Variants in TUNAR observed in about 807,000 individuals in gnomAD.
TUNAR encodes the protein transmembrane neural differentiation associated intracellular calcium regulator, also known as protein TUNAR.
intron 2 of TUNAR, among the ~76,000 whole-genome samples, chr14:95,894,108 T>C (rs956169465): frequency 1.3e-5 from 2 of 152,248 alleles, no homozygotes. Context: ...CATTGCTGAT[T>C]GGATCATCCA....
intron 2 of TUNAR, among the ~76,000 whole-genome samples, chr14:95,906,873 C>T (rs1341306533): frequency 6.6e-6 from 1 of 152,214 alleles, no homozygotes; most frequent in African/African-American, 2.4e-5. Flanking sequence ...CCATCGTGAT[C>T]CTACCCCACT....
At chr14:95,921,341 C>G (rs1313196550) in intron 2 of TUNAR, among the ~76,000 whole-genome samples, 1 of 152,148 alleles carries the variant, frequency 6.6e-6, no homozygotes, top group Non-Finnish European at 1.5e-5. Context: ...GCACAGCCCT[C>G]CAGTGGAAGA....
chr14:95,882,024 A>G (rs574424297), intron 2 of TUNAR, among the ~76,000 whole-genome samples: 1 of 152,318 alleles, frequency 6.6e-6, no homozygotes, highest in East Asian at 1.9e-4. Context: ...CTTATATGCC[A>G]AAAGCTTCAA....
At chr14:95,893,216 G>A (rs1025421350) in intron 2 of TUNAR, among the ~76,000 whole-genome samples, 1 of 152,172 alleles carries the variant, frequency 6.6e-6, no homozygotes, top group Admixed American at 6.5e-5. Context: ...GGGAGAGGTG[G>A]GAGGCCACCT....
At chr14:95,919,075 A>G (rs1031142802) in intron 2 of TUNAR, among the ~76,000 whole-genome samples, 1 of 152,212 alleles carries the variant, frequency 6.6e-6, no homozygotes, top group African/African-American at 2.4e-5. Context: ...TTGGATAGAC[A>G]TCTGTCCAGG....
At chr14:95,900,912 C>T (rs997713631) in intron 2 of TUNAR, among the ~76,000 whole-genome samples, 5 of 152,170 alleles carry the variant, frequency 3.3e-5, no homozygotes, top group South Asian at 2.1e-4. Flanking sequence ...CATTTATGTG[C>T]GGTGAGACAG....
chr14:95,908,940 A>G (rs1889469059), intron 2 of TUNAR, among the ~76,000 whole-genome samples: 1 of 152,162 alleles, frequency 6.6e-6, no homozygotes, highest in Non-Finnish European at 1.5e-5. Context: ...TGGAAGTGGC[A>G]GGTAGGCGGG....
intron 2 of TUNAR, among the ~76,000 whole-genome samples, chr14:95,921,984 C>T (rs958731514): frequency 2.6e-5 from 4 of 152,286 alleles, no homozygotes; most frequent in Non-Finnish European, 5.9e-5. Flanking sequence ...GCTCTCCTCT[C>T]GGTGCATATC....
exon 3 of TUNAR, chr14:95,922,918 T>A (rs1262605506): frequency 1.0e-5 from 4 of 398,878 alleles, no homozygotes; most frequent in African/African-American, 8.2e-5. Context: ...TCGGGACCAT[T>A]CTGAACCTGA....
chr14:95,878,320 A>G (rs1888922957), intron 2 of TUNAR, among the ~76,000 whole-genome samples: 1 of 152,044 alleles, frequency 6.6e-6, no homozygotes, highest in South Asian at 2.1e-4. Context: ...CATTTAGTTA[A>G]CTGTTTGCTT....
chr14:95,921,874 GT>G (rs1889703434), intron 2 of TUNAR, among the ~76,000 whole-genome samples: 1 of 152,192 alleles, frequency 6.6e-6, no homozygotes, highest in South Asian at 2.1e-4. Context: ...CCTCCGCTAA[GT>G]GTCTGGGCTT....
chr14:95,893,587 A>G (rs534280776), intron 2 of TUNAR, among the ~76,000 whole-genome samples: 13 of 136,308 alleles, frequency 9.5e-5, no homozygotes, highest in South Asian at 7.9e-4. Flanking sequence ...CCCACTCCCC[A>G]TCAAGCAGCC....
At position 95,881,242 on chromosome 14, in the gene TUNAR, G is replaced by A. The variant is rs533347625; in HGVS notation, c.12+4065G>A. On this transcript the variant is annotated intron_variant, in intron 2 of 2. Transcript: ENST00000678517. Reference sequence around the variant, plus strand: ...TGCATTAGATTTCTTTTAACTACACGAGGTCAAACATGTCGATTTCCAAAA... The same window carrying A: ...TGCATTAGATTTCTTTTAACTACACAAGGTCAAACATGTCGATTTCCAAAA... 7.9e-5 allele frequency among the ~76,000 whole-genome samples: 12 copies of A among 152,258 alleles called. No homozygotes were observed. The East Asian group carries it at 1.3e-3, about 17-fold the overall frequency.
chr14:95,924,528 A>G (rs1889753209), exon 3 of TUNAR: 1 of 152,330 alleles, frequency 6.6e-6, no homozygotes, highest in South Asian at 2.1e-4. Flanking sequence ...AGACTGGGCA[A>G]TTTACAAAGA....
At chr14:95,903,692 C>T (rs551028213) in intron 2 of TUNAR, among the ~76,000 whole-genome samples, 4 of 152,300 alleles carry the variant, frequency 2.6e-5, no homozygotes, top group Admixed American at 1.3e-4. Flanking sequence ...AACAGAAGGT[C>T]GTTATTATCT....
intron 2 of TUNAR, among the ~76,000 whole-genome samples, chr14:95,887,824 A>G (rs747958750): frequency 2.0e-4 from 31 of 152,202 alleles, no homozygotes; most frequent in African/African-American, 2.4e-5. Flanking sequence ...TAGAAAATGT[A>G]TGAGTTCTGT....
At chr14:95,921,071 A>AAGGC (rs1286903777) in intron 2 of TUNAR, among the ~76,000 whole-genome samples, 4 of 152,170 alleles carry the variant, frequency 2.6e-5, no homozygotes, top group Non-Finnish European at 4.4e-5. Context: ...TCCCAGCTTG[A>AAGGC]AGGCAGGCAG....
chr14:95,923,868 C>G (rs568404317), exon 3 of TUNAR: 1 of 152,274 alleles, frequency 6.6e-6, no homozygotes, highest in South Asian at 2.1e-4. Context: ...TGTGGGCATG[C>G]AGACCTTAGA....
chr14:95,879,700 A>G (rs1888947220), intron 2 of TUNAR, among the ~76,000 whole-genome samples: 1 of 143,620 alleles, frequency 7.0e-6, no homozygotes, highest in Non-Finnish European at 1.5e-5. Flanking sequence ...TCTTTGTCTT[A>G]AATCCAGTTT....
Sources: gnomAD v4.1 joint callset for allele counts (sites outside exome capture counted in the v4.1 genomes callset) on GRCh38, gnomAD v4.1.1 for gene constraint, MANE v1.5 for transcripts, NCBI Gene and HGNC (gene_info 2026-07-23, HGNC 2026-07-21) for gene names.